WDR83: variants seen among roughly 807,000 people sequenced by gnomAD.
The protein encoded by WDR83 is WD repeat domain-containing protein 83.
A neutral mutation model predicts 37.7 loss-of-function variants in WDR83; 37 were observed. That is an observed-to-expected ratio of 0.98 (90% CI 0.76 to 1.29). The LOEUF (loss-of-function observed/expected upper bound fraction) is 1.29. WDR83 is among the 50% of genes most tolerant of loss of function. WDR83 has a pLI of 0.00. For missense variants in WDR83, 445 were observed against 414.4 expected, an observed-to-expected ratio of 1.07 and a Z score of -0.64; for synonymous variants, 174 against 181.1, an observed-to-expected ratio of 0.96 and a Z score of 0.31.
At position 12,672,908 on chromosome 19, in the gene WDR83, G is replaced by A. The variant is rs756923065; in HGVS notation, c.568G>A (p.Val190Met). Reference sequence around the variant, plus strand: ...GATGGGGCAGCTCTTCTCAGACTACGTGGGCAGTGAGTGTGGCTGGGGATG... The same window carrying A: ...GATGGGGCAGCTCTTCTCAGACTACATGGGCAGTGAGTGTGGCTGGGGATG... ...LRMGQLFSDY[V>M]GSPITCTCFS... Residue 190 changes from valine (V) to methionine (M), a missense_variant, in exon 8 of 11, where the codon GTG (valine) becomes ATG (methionine). Val to Met is a conservative substitution (Grantham distance 21, BLOSUM62 1). Transcript: ENST00000418543. 1.6e-5 allele frequency: 25 copies of A among 1,599,194 alleles called. No individual in the cohort carries two copies. The highest frequency in any genetic ancestry group is 2.3e-5 in the East Asian group (1 of 44,340).
rs745891138 is a variant in WDR83, at chr19:12,668,496, C to G, written c.-156-12C>G. On this transcript the variant is annotated splice_polypyrimidine_tract_variant and intron_variant, in intron 1 of 10. Transcript: ENST00000418543. ...CCCCCCACCCCTTACTCAAGAGTCA[C>G]TTGTTCTGTAGGGCAAGTCTCACAT... 5.0e-6 allele frequency: 8 copies of G among 1,613,922 alleles called. No individual in the cohort carries two copies. In the Admixed American group the frequency reaches 1.0e-4, roughly 20 times the overall value.
rs1194512265 is a variant in WDR83 at position 12,670,160 on chromosome 19, C to A, written c.225-20C>A. 3 of 1,610,808 alleles carry A rather than the reference C, an allele frequency of 1.9e-6. No individual in the cohort carries two copies. The highest frequency in any genetic ancestry group is 3.3e-5 in the Admixed American group (2 of 59,892). On this transcript the variant is annotated intron_variant, in intron 4 of 10. Transcript: ENST00000418543. ...CTGGGATCCGAGGTCGATGCTGATC[C>A]TCCTCCTCCTTTACTCCAGCTCCTT...
rs776245609 is a variant in WDR83 at position 12,669,771 on chromosome 19, A to G, written c.-20A>G. On this transcript the variant is annotated 5_prime_UTR_variant, in exon 3 of 11. Coordinates refer to ENST00000418543, the MANE Select transcript of WDR83 (RefSeq NM_001099737.3). ...TCCGTACAGACCGATTTAAGGCTGC[A>G]AGGAAGGAGTCCTGGGAGCATGGCT... 2 of 1,569,104 alleles carry G rather than the reference A, an allele frequency of 1.3e-6. No homozygotes were observed. The highest frequency in any genetic ancestry group is 1.4e-5 in the African/African-American group (1 of 73,068).
At position 12,671,168 on chromosome 19, in the gene WDR83, A is replaced by G. The variant is rs183052955; in HGVS notation, c.506+347A>G. The G allele has an allele frequency of 3.9e-4, 83 of 215,434 alleles. 1 individual carries two copies. The highest frequency in any genetic ancestry group is 1.8e-3 in the African/African-American group (80 of 44,326). 13.3% of individuals were successfully genotyped at this position (215,434 alleles called of 1,614,324 possible). On this transcript the variant is annotated intron_variant, in intron 7 of 10. Transcript: ENST00000418543. ...CATGGTGAAACCCCGTCTCTACTAA[A>G]AATGCAAAAATTAGCCAGGTGTGGT...
intron 2 of WDR83, chr19:12,668,991 G>A: frequency 3.4e-6 from 3 of 871,230 alleles, no homozygotes; most frequent in Non-Finnish European, 5.5e-6. Context: ...TCGGCCCAGC[G>A]TCATCGCAGC....
chr19:12,667,453 G>A (rs1232933227), intron 1 of WDR83, among the ~76,000 whole-genome samples: 1 of 152,114 alleles, frequency 6.6e-6, no homozygotes, highest in Non-Finnish European at 1.5e-5. Flanking sequence ...GTAGAGACGG[G>A]TTTGAAAACA....
In WDR83 at chr19:12,670,197, G is replaced by A. The variant is rs764534941; in HGVS notation, c.242G>A (p.Ser81Asn). Reference sequence around the variant, plus strand: ...TACTCCAGCTCCTTTGACAACAGTAGTCTCTGCTCCGGCGGCGGGGACAAG... The same window carrying A: ...TACTCCAGCTCCTTTGACAACAGTAATCTCTGCTCCGGCGGCGGGGACAAG... ...LDAAGSFDNSSLCSGGGDKAV... is the reference protein window; with the variant it reads ...LDAAGSFDNSNLCSGGGDKAV... The change falls in exon 5 of 11, where the codon AGT becomes AAT. Residue 81 changes from serine (S) to asparagine (N), a missense_variant. Ser to Asn is a conservative substitution (Grantham distance 46). Transcript: ENST00000418543. The A allele has an allele frequency of 6.2e-7, 1 of 1,614,070 alleles. No homozygotes were observed. The highest frequency in any genetic ancestry group is 8.5e-7 in the Non-Finnish European group (1 of 1,180,008).
At chr19:12,674,009 GAGA>G (rs985031294) in intron 10 of WDR83, among the ~76,000 whole-genome samples, 2 of 152,124 alleles carry the variant, frequency 1.3e-5, no homozygotes, top group African/African-American at 4.8e-5. Context: ...TTGGGCTAGA[GAGA>G]AGATGAGGCA....
intron 10 of WDR83, among the ~76,000 whole-genome samples, chr19:12,674,698 G>A (rs139273534): frequency 1.3e-5 from 2 of 152,270 alleles, no homozygotes; most frequent in Admixed American, 6.5e-5. Context: ...CTGGTGGCAG[G>A]GAACAGGCAA....
rs148271496 is a variant in WDR83, at chr19:12,670,283, G to A, written c.328G>A (p.Gly110Arg). 1.1e-5 allele frequency: 18 copies of A among 1,613,728 alleles called. No homozygotes were observed. Among genetic ancestry groups the A allele is most frequent in the Non-Finnish European group, 1.5e-5 (18 of 1,179,788 alleles). Reference sequence around the variant, plus strand: ...CGTGCGCAAATTCCGGGGCCACGCAGGGGTGAGTGAAAGCCTGGAGACCCT... The same window carrying A: ...CGTGCGCAAATTCCGGGGCCACGCAAGGGTGAGTGAAAGCCTGGAGACCCT... ...QVVRKFRGHA[G>R]KVNTVQFNEE... The change falls in exon 5 of 11, where the codon GGG (glycine) becomes AGG (arginine). Residue 110 changes from glycine (G) to arginine (R), a missense_variant and splice_region_variant. Coordinates refer to ENST00000418543, the MANE Select transcript of WDR83 (RefSeq NM_001099737.3).
At chr19:12,670,934 C>A in intron 7 of WDR83, 113 bp downstream of exon 7, 2 of 1,469,888 alleles carry the variant, frequency 1.4e-6, no homozygotes, top group South Asian at 2.6e-5. Flanking sequence ...CAGCTGTAAT[C>A]CCAGCTACTT....
intron 2 of WDR83, chr19:12,669,544 C>T: frequency 9.1e-7 from 1 of 1,095,366 alleles, no homozygotes; most frequent in South Asian, 1.5e-5. Context: ...TCCCCTTACC[C>T]AGAGAACGGA....
chr19:12,668,672 C>A, intron 2 of WDR83, 45 bp downstream of exon 2: 1 of 1,444,358 alleles, frequency 6.9e-7, no homozygotes, highest in East Asian at 2.3e-5. Context: ...AATGAGTCCC[C>A]GAAGCCACCT....
intron 2 of WDR83, among the ~76,000 whole-genome samples, chr19:12,668,927 G>A (rs568989592): frequency 2.0e-5 from 3 of 152,232 alleles, no homozygotes; most frequent in African/African-American, 7.2e-5. Context: ...AGACCAATCT[G>A]CCACATCCCC....
At chr19:12,669,516 C>T (rs961529419) in intron 2 of WDR83, 1 of 1,326,774 alleles carries the variant, frequency 7.5e-7, no homozygotes, top group African/African-American at 1.5e-5. Flanking sequence ...TTCCGTTCCT[C>T]ATGACAGAGG....
rs1432541694 is a variant in WDR83, at chr19:12,666,910, AG to A, written c.-237del. ...ACCCTCAGGGCACTGGTTGGGCTAA[AG>A]GTGACACTGGCGTCTCACGGGCTAT... On this transcript the variant is annotated 5_prime_UTR_variant, in exon 1 of 11. Transcript: ENST00000418543. 2 of 585,290 alleles carry A rather than the reference AG, an allele frequency of 3.4e-6. No individual in the cohort carries two copies. Among genetic ancestry groups the A allele is most frequent in the Non-Finnish European group, 6.0e-6 (2 of 331,040 alleles). The allele number at this position is 585,290 out of a possible 1,614,324, so 36.3% of individuals were successfully genotyped here. A position where few individuals can be genotyped will look rare whatever the true frequency, so the allele number is the denominator to read the frequency against.
At chr19:12,670,478 C>T in intron 5 of WDR83, 85 bp from the exon 6 acceptor site, 2 of 1,603,608 alleles carry the variant, frequency 1.2e-6, no homozygotes, top group South Asian at 1.1e-5. Context: ...TCCCCTTCGC[C>T]CTTGCTTTAA....
At chr19:12,668,479 C>G in intron 1 of WDR83, 29 bp from the exon 2 acceptor site, 1 of 1,613,466 alleles carries the variant, frequency 6.2e-7, no homozygotes, top group Non-Finnish European at 8.5e-7. Flanking sequence ...GTCCCCCCAC[C>G]CCTTACTCAA....
At position 12,668,560 on chromosome 19, in the gene WDR83, G is replaced by A. The variant is rs376672960; in HGVS notation, c.-104G>A. On this transcript the variant is annotated 5_prime_UTR_variant, in exon 2 of 11. Transcript: ENST00000418543. ...ATTTGCTTCGTGTCCTCCGAGCTCC[G>A]AGAGTTGGCAAAGCTGATGAAGGAG... 63 of 1,613,966 alleles carry A rather than the reference G, an allele frequency of 3.9e-5. No homozygotes were observed. Among genetic ancestry groups the A allele is most frequent in the Non-Finnish European group, 4.8e-5 (57 of 1,180,024 alleles).
Sources: gnomAD v4.1 joint callset for allele counts (sites outside exome capture counted in the v4.1 genomes callset) on GRCh38, gnomAD v4.1.1 for gene constraint, MANE v1.5 for transcripts, NCBI Gene and HGNC (gene_info 2026-07-23, HGNC 2026-07-21) for gene names.